The following TEAD1 variants were observed in gnomAD, a reference collection of about 807,000 sequenced individuals.
TEAD1 encodes transcriptional enhancer factor TEF-1.
Under a neutral mutation model 54.9 loss-of-function variants are expected in TEAD1, and 9 were observed. The observed-to-expected ratio is 0.16, with a 90% CI of 0.10 to 0.29. TEAD1 has a LOEUF of 0.29. TEAD1 is among the 10% of genes least tolerant of loss of function. The probability of loss-of-function intolerance (pLI) is 1.00; values close to 1 mark genes in which losing one functional copy is unlikely to be tolerated. For synonymous variants in TEAD1, 200 were observed against 187.8 expected, an observed-to-expected ratio of 1.07 and a Z score of -0.53; for missense variants, 387 against 535.9, an observed-to-expected ratio of 0.72 and a Z score of 2.74.
intron 3 of TEAD1, among the ~76,000 whole-genome samples, chr11:12,829,876 A>G (rs529057570): frequency 4.2e-4 from 64 of 152,342 alleles, no homozygotes; most frequent in African/African-American, 1.4e-3. Context: ...TTATTTCTCC[A>G]TAACACCCAG....
intron 2 of TEAD1, among the ~76,000 whole-genome samples, chr11:12,742,680 T>G (rs775039965): frequency 6.6e-6 from 1 of 152,226 alleles, no homozygotes; most frequent in Non-Finnish European, 1.5e-5. Context: ...AATATCACAT[T>G]GTACCCCATG....
intron 3 of TEAD1, among the ~76,000 whole-genome samples, chr11:12,849,682 C>T (rs777855988): frequency 2.4e-4 from 37 of 152,292 alleles, no homozygotes; most frequent in Non-Finnish European, 4.3e-4. Context: ...AAATACTGGA[C>T]GTCCAGTGAG....
intron 3 of TEAD1, among the ~76,000 whole-genome samples, chr11:12,784,628 C>T (rs1945638492): frequency 6.6e-6 from 1 of 152,134 alleles, no homozygotes. Flanking sequence ...GTATTTGTCT[C>T]CTGGTGGTGT....
chr11:12,699,880 G>A (rs73421943), intron 2 of TEAD1, among the ~76,000 whole-genome samples: 2,190 of 152,278 alleles, frequency 0.014, 50 homozygotes, highest in African/African-American at 0.051. Flanking sequence ...AGTCTTTTGG[G>A]GGAAGTGTTC....
At chr11:12,877,949 C>T (rs577364271) in intron 5 of TEAD1, among the ~76,000 whole-genome samples, 6 of 151,620 alleles carry the variant, frequency 4.0e-5, no homozygotes, top group Non-Finnish European at 5.9e-5. Context: ...AGAAGTACAC[C>T]ACCACACCTG....
intron 2 of TEAD1, among the ~76,000 whole-genome samples, chr11:12,707,233 GTCT>G (rs1041271008): frequency 6.8e-6 from 1 of 146,758 alleles, no homozygotes; most frequent in African/African-American, 2.5e-5. Context: ...CGCAGTTGAT[GTCT>G]TCTTTTAAAA....
chr11:12,756,184 G>C lies in TEAD1; in HGVS notation c.-54-7995G>C, dbSNP rs187312249. On this transcript the variant is annotated intron_variant, in intron 2 of 12. Transcript: ENST00000527636. ...CTTGTTGATGGGATTCTGTTGACACGGAAGTGATTTTTGAAAACGAGAAGG... is the reference window on the plus strand; with the variant it reads ...CTTGTTGATGGGATTCTGTTGACACCGAAGTGATTTTTGAAAACGAGAAGG... Among the ~76,000 whole-genome samples, 113 of 152,254 alleles carry C rather than the reference G, an allele frequency of 7.4e-4. 1 individual carries two copies. Among genetic ancestry groups the C allele is most frequent in the Admixed American group, 2.1e-3 (32 of 15,302 alleles).
At chr11:12,764,077 A>T in intron 2 of TEAD1, 102 bp from the exon 3 acceptor site, 1 of 731,450 alleles carries the variant, frequency 1.4e-6, no homozygotes, top group South Asian at 2.1e-5. Context: ...TAATAAAATG[A>T]AATGAAAAAA....
chr11:12,828,129 T>C (rs1207471659), intron 3 of TEAD1: 1 of 152,168 alleles, frequency 6.6e-6, no homozygotes, highest in Non-Finnish European at 1.5e-5. Context: ...ATAAAGACGT[T>C]TAAAAACCCC....
chr11:12,796,619 G>A lies in TEAD1; in HGVS notation c.202+32185G>A, dbSNP rs150548185. 9.2e-3 allele frequency among the ~76,000 whole-genome samples: 1,394 copies of A among 152,072 alleles called. 18 individuals carry two copies. The highest frequency in any genetic ancestry group is 0.032 in the African/African-American group (1,324 of 41,424). ...ACACACCTGTAGTCTCAGCTACTTG[G>A]GAGGCTGAGATGGGAGGATCACCTG... On this transcript the variant is annotated intron_variant, in intron 3 of 12. Transcript: ENST00000527636.
chr11:12,715,869 C>T (rs761058900), intron 2 of TEAD1, among the ~76,000 whole-genome samples: 9 of 151,976 alleles, frequency 5.9e-5, no homozygotes, highest in Non-Finnish European at 1.0e-4. Context: ...TTTTATTTCC[C>T]GAATCTAGCA....
chr11:12,869,036 T>C (rs918159713), intron 5 of TEAD1, among the ~76,000 whole-genome samples: 3 of 152,194 alleles, frequency 2.0e-5, no homozygotes, highest in Non-Finnish European at 4.4e-5. Context: ...GTTGGGACTA[T>C]CTGGGGGACC....
chr11:12,800,203 A>C (rs1023641321), intron 3 of TEAD1, among the ~76,000 whole-genome samples: 2 of 152,082 alleles, frequency 1.3e-5, no homozygotes, highest in Non-Finnish European at 2.9e-5. Flanking sequence ...GACTGCTTGC[A>C]CCTCCAGAGC....
chr11:12,924,437 T>C (rs999662374), intron 10 of TEAD1, among the ~76,000 whole-genome samples: 2 of 152,248 alleles, frequency 1.3e-5, no homozygotes, highest in African/African-American at 2.4e-5. Flanking sequence ...TTTAACATCT[T>C]TGTAAGCCAG....
chr11:12,867,204 A>G (rs1360883282), intron 5 of TEAD1, among the ~76,000 whole-genome samples: 1 of 152,106 alleles, frequency 6.6e-6, no homozygotes, highest in African/African-American at 2.4e-5. Context: ...TGTTTTAGAT[A>G]AAATTTTATC....
chr11:12,723,255 A>G (rs968641751), intron 2 of TEAD1, among the ~76,000 whole-genome samples: 4 of 152,188 alleles, frequency 2.6e-5, no homozygotes, highest in Admixed American at 6.5e-5. Context: ...AATGGTGCAC[A>G]TCGTTTAATT....
At chr11:12,767,978 A>G (rs1041953632) in intron 3 of TEAD1, among the ~76,000 whole-genome samples, 4 of 152,224 alleles carry the variant, frequency 2.6e-5, no homozygotes, top group Admixed American at 2.6e-4. Context: ...ATTGGATTTC[A>G]GAGGAGCAGG....
intron 10 of TEAD1, among the ~76,000 whole-genome samples, chr11:12,911,750 A>ATT (rs1382748680): frequency 6.6e-6 from 1 of 150,932 alleles, no homozygotes; most frequent in East Asian, 1.9e-4. Context: ...AAATCAATAC[A>ATT]TTTGTATATC....
chr11:12,754,401 G>T (rs528567043), intron 2 of TEAD1, among the ~76,000 whole-genome samples: 3 of 152,214 alleles, frequency 2.0e-5, no homozygotes, highest in Non-Finnish European at 4.4e-5. Flanking sequence ...TATGCTTTGA[G>T]GATCTGTATG....
Sources: gnomAD v4.1 joint callset for allele counts (sites outside exome capture counted in the v4.1 genomes callset) on GRCh38, gnomAD v4.1.1 for gene constraint, MANE v1.5 for transcripts, NCBI Gene and HGNC (gene_info 2026-07-23, HGNC 2026-07-21) for gene names.